Variants in NSD1 observed in about 807,000 individuals in gnomAD.
NSD1 encodes the protein histone-lysine N-methyltransferase, H3 lysine-36 specific.
In NSD1, 26 loss-of-function variants were observed where a neutral mutation model predicts 242.7. The ratio of observed to expected loss-of-function variants is 0.11; its 90% CI spans 0.08 to 0.15. The LOEUF (loss-of-function observed/expected upper bound fraction) is 0.15. Among genes scored for constraint, NSD1 ranks in the 10% least tolerant of loss-of-function variants. The pLI is 1.00. For synonymous variants in NSD1, 1,106 were observed against 1,178.1 expected, an observed-to-expected ratio of 0.94 and a Z score of 1.25; for missense variants, 2,495 against 3,272.8, an observed-to-expected ratio of 0.76 and a Z score of 5.80.
intron 20 of NSD1, among the ~76,000 whole-genome samples, chr5:177,286,289 G>A (rs1356306151): frequency 6.6e-6 from 1 of 152,140 alleles, no homozygotes; most frequent in African/African-American, 2.4e-5. Context: ...TAAAATTTGA[G>A]CCACTAGTTA....
At chr5:177,163,373 C>G (rs1407994458) in intron 2 of NSD1, among the ~76,000 whole-genome samples, 1 of 151,778 alleles carries the variant, frequency 6.6e-6, no homozygotes, top group African/African-American at 2.4e-5. Context: ...GAACTCCTGA[C>G]CTCATGATCC....
At position 177,158,988 on chromosome 5, in the gene NSD1, A is replaced by G. The variant is rs936678918; in HGVS notation, c.927+22958A>G. 3.3e-5 allele frequency among the ~76,000 whole-genome samples: 4 copies of G among 119,408 alleles called. No homozygotes were observed. In the Admixed American group the frequency reaches 3.5e-4, roughly 10 times the overall value. The allele number at this position is 119,408 out of a possible 152,430, so 78.3% of individuals were successfully genotyped here. A position where few individuals can be genotyped will look rare whatever the true frequency, so the allele number is the denominator to read the frequency against. On this transcript the variant is annotated intron_variant, in intron 2 of 22. Coordinates refer to ENST00000439151, the MANE Select transcript of NSD1 (RefSeq NM_022455.5). ...CACACACATATATACACACATATAT[A>G]TGAATGATTTTATATATATATATAT...
chr5:177,232,104 G>A (rs1217414697), intron 5 of NSD1, among the ~76,000 whole-genome samples: 1 of 151,796 alleles, frequency 6.6e-6, no homozygotes, highest in Non-Finnish European at 1.5e-5. Flanking sequence ...TCACTTTGTT[G>A]CCCAGCCTGT....
intron 2 of NSD1, among the ~76,000 whole-genome samples, chr5:177,144,455 C>T (rs980159399): frequency 1.3e-5 from 2 of 151,854 alleles, no homozygotes; most frequent in Non-Finnish European, 2.9e-5. Flanking sequence ...TTGACAGTTT[C>T]CATTTTTAAT....
At chr5:177,185,795 A>ATATATATATATT (rs1554184211) in intron 2 of NSD1, among the ~76,000 whole-genome samples, 15 of 88,396 alleles carry the variant, frequency 1.7e-4, no homozygotes, top group African/African-American at 6.9e-4. Flanking sequence ...TATATTATAT[A>ATATATATATATT]TATATATATA....
chr5:177,266,574 C>T (rs201156250), intron 14 of NSD1: 9,049 of 679,850 alleles, frequency 0.013, 105 homozygotes, highest in South Asian at 0.024. Context: ...AGTTCACGAC[C>T]TCGGCGGCCG....
chr5:177,150,008 C>T (rs1260618252), intron 2 of NSD1, among the ~76,000 whole-genome samples: 3 of 152,140 alleles, frequency 2.0e-5, no homozygotes, highest in Non-Finnish European at 4.4e-5. Flanking sequence ...GTGATCTTGG[C>T]ACACTGCAAC....
rs1477141333 is a variant in NSD1, at chr5:177,185,989, TTTATA to T, written c.928-5888_928-5884del. On this transcript the variant is annotated intron_variant, in intron 2 of 22. Coordinates refer to ENST00000439151, the MANE Select transcript of NSD1 (RefSeq NM_022455.5). ...TATAACTATATTATATATTATATAT[TTTATA>T]TTATATAATTTATATTATATATTAT... Among the ~76,000 whole-genome samples, 7 of 99,800 alleles carry T rather than the reference TTTATA, an allele frequency of 7.0e-5. No individual in the cohort carries two copies. In the Admixed American group the frequency reaches 7.8e-4, roughly 11 times the overall value. The allele number at this position is 99,800 out of a possible 152,430, so 65.5% of individuals were successfully genotyped here.
Position 177,135,471 on chromosome 5 carries a change from C to T in NSD1, c.368C>T (p.Ala123Val), listed in dbSNP as rs753417298. 3 of 1,614,182 alleles carry T rather than the reference C, an allele frequency of 1.9e-6. No individual in the cohort carries two copies. The South Asian group carries it at 3.3e-5, about 18-fold the overall frequency. ...TCCTTGAGTCCTGGTGGTCCTACAG[C>T]ACTTGCTATGAAACAGGAACCCTCT... ...CTSLSPGGPT[A>V]LAMKQEPSCN... The change falls in exon 2 of 23, where the codon GCA becomes GTA. Residue 123 changes from alanine (A) to valine (V), a missense_variant. By Grantham distance (64) the Ala-to-Val change is moderately conservative (BLOSUM62 0). This residue lies in a region of NSD1 where 376 missense variants were observed against 367.4 expected (regional missense o/e 1.02). Transcript: ENST00000439151.
rs115905137 is a variant in NSD1, at chr5:177,165,088, G to A, written c.928-26796G>A. Among the ~76,000 whole-genome samples, 1,011 of 152,162 alleles carry A rather than the reference G, an allele frequency of 6.6e-3. 7 individuals are homozygous for A. Among genetic ancestry groups the A allele is most frequent in the African/African-American group, 0.018 (749 of 41,510 alleles). On this transcript the variant is annotated intron_variant, in intron 2 of 22. Coordinates refer to ENST00000439151, the MANE Select transcript of NSD1 (RefSeq NM_022455.5). The stretch of plus-strand genomic sequence containing the variant: ...TTGAGACCAGCCTGGTCAACATAGG[G>A]AAACCTCATCTCCACAAAAAATAAA...
chr5:177,245,632 C>CTTTTT (rs540362237), intron 9 of NSD1, among the ~76,000 whole-genome samples: 2 of 134,656 alleles, frequency 1.5e-5, no homozygotes, highest in African/African-American at 2.7e-5. Flanking sequence ...GAATTTCTTT[C>CTTTTT]TTTTTTTTTT....
At chr5:177,182,151 C>G (rs74797639) in intron 2 of NSD1, among the ~76,000 whole-genome samples, 3 of 119,488 alleles carry the variant, frequency 2.5e-5, no homozygotes, top group Non-Finnish European at 5.5e-5. Context: ...GACTCCGTCT[C>G]AAAAAAAAAA....
At chr5:177,208,242 A>G (rs1763052659) in intron 4 of NSD1, among the ~76,000 whole-genome samples, 1 of 152,214 alleles carries the variant, frequency 6.6e-6, no homozygotes, top group Admixed American at 6.5e-5. Context: ...GCTGTGAGGT[A>G]TCCAGAAAAG....
At chr5:177,229,390 G>A (rs1403033497) in intron 5 of NSD1, among the ~76,000 whole-genome samples, 2 of 152,194 alleles carry the variant, frequency 1.3e-5, no homozygotes, top group East Asian at 3.8e-4. Flanking sequence ...AACCTTAGGG[G>A]TAGTGTGATT....
chr5:177,288,721 T>G (rs1759539203), intron 20 of NSD1, 98 bp from the exon 21 acceptor site: 1 of 864,096 alleles, frequency 1.2e-6, no homozygotes. Flanking sequence ...CTTTTTAAAA[T>G]TAATCTGTTC....
At chr5:177,288,946 T>C (rs756772807) in intron 21 of NSD1, 21 bp downstream of exon 21, 2 of 1,554,738 alleles carry the variant, frequency 1.3e-6, no homozygotes, top group South Asian at 1.1e-5. Context: ...TCTAGACTTC[T>C]GCTTTGGGAT....
At chr5:177,234,765 G>A (rs1765313882) in intron 5 of NSD1, among the ~76,000 whole-genome samples, 1 of 151,884 alleles carries the variant, frequency 6.6e-6, no homozygotes, top group Non-Finnish European at 1.5e-5. Context: ...AATACTCGTT[G>A]TTAATGAGAC....
Position 177,210,976 on chromosome 5 carries a change from T to C in NSD1, c.2577T>C (p.His859=). The change falls in exon 5 of 23, where the codon CAT becomes CAC. Residue 859 remains histidine, a synonymous_variant. Coordinates refer to ENST00000439151, the MANE Select transcript of NSD1 (RefSeq NM_022455.5). ...SSDIETAVVK[H]VLSELKELSY... ...ACATAGAAACAGCAGTGGTGAAACA[T>C]GTTTTATCCGAGTTGAAGGAACTCT... 6.2e-7 allele frequency: 1 copy of C among 1,614,120 alleles called. No homozygotes were observed. Among genetic ancestry groups the C allele is most frequent in the South Asian group, 1.1e-5 (1 of 91,082 alleles).
Position 177,299,607 on chromosome 5 carries a change from A to C in NSD1, c.*4148A>C, listed in dbSNP as rs1674166575. ...GGTAGTATTTTCTAAGGAAGTGGAA[A>C]GAATTAAACTAGAAATCCACAACCT... is the stretch of plus-strand genomic sequence containing the variant. On this transcript the variant is annotated 3_prime_UTR_variant, in exon 23 of 23. Coordinates refer to ENST00000439151, the MANE Select transcript of NSD1 (RefSeq NM_022455.5). 1.7e-5 allele frequency: 4 copies of C among 233,232 alleles called. No individual in the cohort carries two copies. Among genetic ancestry groups the C allele is most frequent in the Non-Finnish European group, 3.4e-5 (4 of 118,064 alleles). 14.4% of individuals were successfully genotyped at this position (233,232 alleles called of 1,614,324 possible). A position where few individuals can be genotyped will look rare whatever the true frequency, so the allele number is the denominator to read the frequency against.
Sources: allele counts gnomAD v4.1 joint callset (sites outside exome capture counted in the v4.1 genomes callset), GRCh38; gene constraint gnomAD v4.1.1; regional missense constraint gnomAD v4.1.1; transcripts MANE v1.5; gene names NCBI Gene and HGNC (gene_info 2026-07-23, HGNC 2026-07-21).